Variants in MIPEP observed in about 807,000 individuals in gnomAD.
MIPEP encodes the protein mitochondrial intermediate peptidase.
MIPEP carries 79 observed loss-of-function variants against 90.3 expected under a neutral mutation model. That is an observed-to-expected ratio of 0.87 (90% CI 0.73 to 1.05). MIPEP has a LOEUF of 1.05. MIPEP is among the 50% of genes least tolerant of loss of function. The probability of loss-of-function intolerance (pLI) is 0.00; values close to 1 mark genes in which losing one functional copy is unlikely to be tolerated. For missense variants in MIPEP, 940 were observed against 905.6 expected, an observed-to-expected ratio of 1.04 and a Z score of -0.49; for synonymous variants, 334 against 315.8, an observed-to-expected ratio of 1.06 and a Z score of -0.61.
At chr13:23,820,901 A>G (rs1294793334) in intron 14 of MIPEP, among the ~76,000 whole-genome samples, 2 of 152,214 alleles carry the variant, frequency 1.3e-5, no homozygotes, top group Non-Finnish European at 2.9e-5. Flanking sequence ...GGTCTCCTCA[A>G]TGCATTAGCA....
At chr13:23,858,763 T>G (rs1593195104) in intron 10 of MIPEP, 97 bp downstream of exon 10, 1 of 1,013,426 alleles carries the variant, frequency 9.9e-7, no homozygotes, top group Non-Finnish European at 1.5e-6. Context: ...AGGGGAAGGG[T>G]TTGTACTGTG....
intron 10 of MIPEP, among the ~76,000 whole-genome samples, chr13:23,856,079 T>C (rs1472193521): frequency 6.6e-6 from 1 of 152,250 alleles, no homozygotes; most frequent in Non-Finnish European, 1.5e-5. Flanking sequence ...ATGTTTGTTC[T>C]TGCAGAGCTT....
intron 17 of MIPEP, among the ~76,000 whole-genome samples, chr13:23,758,123 G>A (rs976242654): frequency 3.9e-5 from 6 of 152,262 alleles, no homozygotes; most frequent in Non-Finnish European, 7.4e-5. Flanking sequence ...CTGAGGTGGC[G>A]CCTCCCCTCA....
intron 18 of MIPEP, among the ~76,000 whole-genome samples, chr13:23,744,230 C>G (rs921654878): frequency 2.6e-5 from 4 of 152,182 alleles, no homozygotes; most frequent in Admixed American, 2.6e-4. Flanking sequence ...TATATATTAG[C>G]TACTAGTTAG....
At chr13:23,804,477 T>G (rs1953083125) in intron 16 of MIPEP, among the ~76,000 whole-genome samples, 1 of 152,232 alleles carries the variant, frequency 6.6e-6, no homozygotes. Context: ...ATTCCATGAA[T>G]AAATAGTTAG....
chr13:23,731,421 C>T (rs549904991), intron 18 of MIPEP, among the ~76,000 whole-genome samples: 1 of 152,112 alleles, frequency 6.6e-6, no homozygotes, highest in Non-Finnish European at 1.5e-5. Flanking sequence ...TGAGAGTAGT[C>T]GGCTGGGCAG....
intron 5 of MIPEP, among the ~76,000 whole-genome samples, chr13:23,873,700 C>T (rs1009182255): frequency 5.1e-4 from 77 of 152,110 alleles, no homozygotes; most frequent in African/African-American, 1.8e-3. Context: ...AATGCAAGGA[C>T]TTGGTTAGAA....
At chr13:23,860,344 A>T (rs529028554) in intron 9 of MIPEP, among the ~76,000 whole-genome samples, 3 of 152,372 alleles carry the variant, frequency 2.0e-5, no homozygotes, top group South Asian at 2.1e-4. Flanking sequence ...TCACCATGCC[A>T]TATTTATGTG....
chr13:23,786,521 A>C (rs1252396873), intron 16 of MIPEP, among the ~76,000 whole-genome samples: 1 of 152,204 alleles, frequency 6.6e-6, no homozygotes, highest in African/African-American at 2.4e-5. Flanking sequence ...AATAGGGGAA[A>C]TACGTATATC....
intron 14 of MIPEP, among the ~76,000 whole-genome samples, chr13:23,834,662 G>A (rs1252591454): frequency 6.6e-6 from 1 of 152,194 alleles, no homozygotes; most frequent in Non-Finnish European, 1.5e-5. Context: ...ACTGGCGAAT[G>A]CCGCTTCTCT....
chr13:23,818,215 G>A lies in MIPEP; in HGVS notation c.1654-8291C>T, dbSNP rs1293935955. Among the ~76,000 whole-genome samples the A allele has an allele frequency of 4.0e-5, 6 of 151,852 alleles. No individual in the cohort carries two copies. In the South Asian group the frequency reaches 1.0e-3, roughly 26 times the overall value. On this transcript the variant is annotated intron_variant, in intron 14 of 18. Coordinates refer to ENST00000382172, the MANE Select transcript of MIPEP (RefSeq NM_005932.4). ...GCTGATCACTTGAGGTCAAGGGTTC[G>A]AGGCCAGTCTGGCCAACATGGTGAA... is the stretch of plus-strand genomic sequence containing the variant.
chr13:23,888,507 A>G (rs1871620020), intron 1 of MIPEP, among the ~76,000 whole-genome samples: 1 of 152,168 alleles, frequency 6.6e-6, no homozygotes, highest in Non-Finnish European at 1.5e-5. Context: ...CTTTCACTAG[A>G]CAACGCAGGC....
At chr13:23,871,206 G>A (rs1328753151) in intron 5 of MIPEP, among the ~76,000 whole-genome samples, 4 of 152,238 alleles carry the variant, frequency 2.6e-5, no homozygotes, top group South Asian at 2.1e-4. Flanking sequence ...TGATGAGGAC[G>A]TGGATGGTGC....
chr13:23,851,918 T>G (rs538776854), intron 10 of MIPEP, among the ~76,000 whole-genome samples: 2 of 152,270 alleles, frequency 1.3e-5, no homozygotes, highest in South Asian at 4.1e-4. Flanking sequence ...TGGGTGTCCA[T>G]GCCAAAAACG....
At chr13:23,785,676 G>A (rs1488289150) in intron 16 of MIPEP, among the ~76,000 whole-genome samples, 1 of 149,718 alleles carries the variant, frequency 6.7e-6, no homozygotes, top group Non-Finnish European at 1.5e-5. Flanking sequence ...AAGAAAAAAA[G>A]GGTGTATGAG....
chr13:23,788,556 T>C (rs1387412922), intron 16 of MIPEP, among the ~76,000 whole-genome samples: 3 of 152,188 alleles, frequency 2.0e-5, no homozygotes, highest in Non-Finnish European at 4.4e-5. Context: ...CACATTTCTT[T>C]GGTCATATTA....
chr13:23,861,215 A>G lies in MIPEP; in HGVS notation c.1053+1087T>C, dbSNP rs73442191. Among the ~76,000 whole-genome samples, 274 of 152,330 alleles carry G rather than the reference A, an allele frequency of 1.8e-3. 1 individual carries two copies. The highest frequency in any genetic ancestry group is 6.4e-3 in the African/African-American group (266 of 41,572). On this transcript the variant is annotated intron_variant, in intron 9 of 18. Coordinates refer to ENST00000382172, the MANE Select transcript of MIPEP (RefSeq NM_005932.4). ...GATTGGGCATTTCACAAATATCTGC[A>G]GAATAATTGTATCCATAAGCTATAT...
chr13:23,869,376 T>A lies in MIPEP; in HGVS notation c.859A>T (p.Ser287Cys), dbSNP rs1269454043. 6.2e-7 allele frequency: 1 copy of A among 1,613,778 alleles called. No homozygotes were observed. The highest frequency in any genetic ancestry group is 1.7e-5 in the Admixed American group (1 of 59,836). ...GQLKCLEELLSSRDLLAKLVG... is the reference protein window; with the variant it reads ...GQLKCLEELLCSRDLLAKLVG... Reference sequence around the variant, plus strand: ...AACTTTGCCAGAAGATCTCTGCTGCTGAGCAATTCTTCTAAACATTTCAAT... The same window carrying A: ...AACTTTGCCAGAAGATCTCTGCTGCAGAGCAATTCTTCTAAACATTTCAAT... Residue 287 changes from serine to cysteine, a missense_variant, in exon 7 of 19, where the codon AGC becomes TGC. Physicochemically the swap from Ser to Cys is moderately radical, Grantham distance 112. Transcript: ENST00000382172.
chr13:23,783,123 T>A (rs1952798334), intron 16 of MIPEP, among the ~76,000 whole-genome samples: 1 of 152,188 alleles, frequency 6.6e-6, no homozygotes, highest in Admixed American at 6.5e-5. Flanking sequence ...AGCATCATCC[T>A]GATACCAAAG....
Sources: allele counts gnomAD v4.1 joint callset (sites outside exome capture counted in the v4.1 genomes callset), GRCh38; gene constraint gnomAD v4.1.1; transcripts MANE v1.5; gene names NCBI Gene and HGNC (gene_info 2026-07-23, HGNC 2026-07-21).